GLB1: variants seen among roughly 807,000 people sequenced by gnomAD.
The protein encoded by GLB1 is beta-galactosidase.
Under a neutral mutation model 74.0 loss-of-function variants are expected in GLB1, and 56 were observed. The ratio of observed to expected loss-of-function variants is 0.76; its 90% CI spans 0.61 to 0.94. The LOEUF is 0.94. Ranked by LOEUF, GLB1 falls within the 40% of genes least tolerant of loss-of-function variation. The pLI, the probability that GLB1 is intolerant of heterozygous loss-of-function variation, is 0.00. For synonymous variants in GLB1, 323 were observed against 323.6 expected (o/e 1.00, Z 0.02); for missense variants, 787 against 845.5 (o/e 0.93, Z 0.86).
intron 7 of GLB1, among the ~76,000 whole-genome samples, chr3:33,052,989 A>G (rs1699058939): frequency 6.6e-6 from 1 of 152,232 alleles, no homozygotes; most frequent in East Asian, 1.9e-4. Flanking sequence ...AAGGCGCAGG[A>G]TATTAACCCC....
chr3:33,029,886 C>T (rs1005255058), intron 10 of GLB1: 1 of 151,154 alleles, frequency 6.6e-6, no homozygotes, highest in African/African-American at 2.4e-5. Context: ...AATCTGTATA[C>T]CAAACCCCTG....
the GLB1 span, among the ~76,000 whole-genome samples, chr3:32,978,810 G>T: frequency 7.3e-6 from 1 of 137,758 alleles, no homozygotes; most frequent in African/African-American, 2.6e-5. Flanking sequence ...ACCCAGGCTG[G>T]AGTGCAGCGA....
chr3:32,965,458 G>A, the GLB1 span, among the ~76,000 whole-genome samples: 1 of 152,132 alleles, frequency 6.6e-6, no homozygotes, highest in African/African-American at 2.4e-5. Flanking sequence ...ATGGAACATT[G>A]AACTTGAGAG....
intron 6 of GLB1, among the ~76,000 whole-genome samples, chr3:33,057,286 C>T (rs77526617): frequency 6.6e-6 from 1 of 152,210 alleles, no homozygotes; most frequent in Non-Finnish European, 1.5e-5. Context: ...GAAGCTGTTG[C>T]CACCAGGCTT....
At chr3:33,062,922 G>A (rs1699505378) in intron 5 of GLB1, among the ~76,000 whole-genome samples, 1 of 152,202 alleles carries the variant, frequency 6.6e-6, no homozygotes, top group African/African-American at 2.4e-5. Context: ...TGCATGATGT[G>A]CCCTCATGGC....
At chr3:33,033,467 G>A (rs911088669) in intron 10 of GLB1, among the ~76,000 whole-genome samples, 2 of 152,190 alleles carry the variant, frequency 1.3e-5, no homozygotes, top group Non-Finnish European at 2.9e-5. Context: ...GCCATCTGAA[G>A]AGGCAAACAT....
intron 1 of GLB1, among the ~76,000 whole-genome samples, chr3:33,080,359 G>A (rs1199201363): frequency 2.6e-5 from 4 of 152,304 alleles, no homozygotes; most frequent in East Asian, 1.9e-4. Flanking sequence ...GATTACAGAC[G>A]TGAGCCACCG....
chr3:33,042,688 A>G (rs1698557000), intron 10 of GLB1, among the ~76,000 whole-genome samples: 1 of 151,952 alleles, frequency 6.6e-6, no homozygotes, highest in East Asian at 1.9e-4. Context: ...TTACCCCTTC[A>G]TTTACTGGGC....
At chr3:33,068,332 A>C (rs1299073107) in intron 3 of GLB1, 42 bp from the exon 4 acceptor site, 1 of 1,613,144 alleles carries the variant, frequency 6.2e-7, no homozygotes. Context: ...CTGTTCCGTG[A>C]AGGGTGCTCA....
At chr3:33,019,526 G>T (rs1473245660) in intron 12 of GLB1, among the ~76,000 whole-genome samples, 2 of 151,996 alleles carry the variant, frequency 1.3e-5, no homozygotes, top group Non-Finnish European at 2.9e-5. Context: ...TAAACTTCAG[G>T]CAAGTGGAAA....
the GLB1 span, among the ~76,000 whole-genome samples, chr3:32,967,765 G>A: frequency 6.6e-6 from 1 of 152,158 alleles, no homozygotes; most frequent in Admixed American, 6.5e-5. Flanking sequence ...AGGGCCAGGG[G>A]AGACCTGGCA....
chr3:32,979,539 G>C, the GLB1 span, among the ~76,000 whole-genome samples: 1 of 151,210 alleles, frequency 6.6e-6, no homozygotes, highest in Non-Finnish European at 1.5e-5. Context: ...TCATAAGAAA[G>C]GGTAGAATTT....
intron 11 of GLB1, 45 bp from the exon 12 acceptor site, chr3:33,021,700 G>A (rs757776881): frequency 2.1e-5 from 33 of 1,590,774 alleles, no homozygotes; most frequent in Middle Eastern, 3.3e-4. Context: ...ACCCCTCACT[G>A]GTCATCAGGT....
chr3:32,980,810 G>T, the GLB1 span, among the ~76,000 whole-genome samples: 1 of 151,408 alleles, frequency 6.6e-6, no homozygotes, highest in Non-Finnish European at 1.5e-5. Flanking sequence ...AACCATCAGG[G>T]CTAGGCGCAG....
In GLB1 at chr3:33,065,455, A is replaced by G. The variant is rs1373621081; in HGVS notation, c.552+8T>C. The G allele has an allele frequency of 1.9e-6, 3 of 1,573,776 alleles. No homozygotes were observed. The highest frequency in any genetic ancestry group is 2.3e-5 in the East Asian group (1 of 43,670). On this transcript the variant is annotated splice_region_variant and intron_variant, in intron 5 of 15. Transcript: ENST00000307363. ...CCCCAATCCATCCATGCTCAACTCC[A>G]GGGTTACCTGCACTGTTATAACTGG... is the stretch of plus-strand genomic sequence containing the variant.
At chr3:32,993,019 C>T (rs550290688), downstream of GLB1, among the ~76,000 whole-genome samples, 15 of 152,336 alleles carry the variant, frequency 9.8e-5, no homozygotes, top group South Asian at 2.9e-3. Context: ...ATGGTCCACA[C>T]CAGCTGTGTG....
At chr3:32,989,724 T>G in the GLB1 span, among the ~76,000 whole-genome samples, 1 of 152,224 alleles carries the variant, frequency 6.6e-6, no homozygotes, top group African/African-American at 2.4e-5. Context: ...TGCAGCTCAA[T>G]CAAGGCAATC....
chr3:32,996,840 CTG>C lies in GLB1; in HGVS notation c.*203_*204del. The C allele has an allele frequency of 1.2e-6, 1 of 807,482 alleles. No individual in the cohort carries two copies. The highest frequency in any genetic ancestry group is 1.9e-6 in the Non-Finnish European group (1 of 518,998). 50.0% of individuals were successfully genotyped at this position (807,482 alleles called of 1,614,324 possible). Reference sequence around the variant, plus strand: ...GCCCTGCAGATATGTATGCACGTTACTGTGCTGTCAGCCCCTCACACATTCCA... The same window carrying C: ...GCCCTGCAGATATGTATGCACGTTACTGCTGTCAGCCCCTCACACATTCCA... On this transcript the variant is annotated 3_prime_UTR_variant, in exon 16 of 16. Transcript: ENST00000307363.
chr3:33,028,658 A>AC (rs1475620605), intron 10 of GLB1, among the ~76,000 whole-genome samples: 8 of 149,026 alleles, frequency 5.4e-5, no homozygotes, highest in African/African-American at 1.5e-4. Flanking sequence ...TATGTCATTT[A>AC]CCCAAAAATT....
Sources: gnomAD v4.1 joint callset for allele counts (sites outside exome capture counted in the v4.1 genomes callset) on GRCh38, gnomAD v4.1.1 for gene constraint, MANE v1.5 for transcripts, NCBI Gene and HGNC (gene_info 2026-07-23, HGNC 2026-07-21) for gene names.